Variants in ADK observed in about 807,000 individuals in gnomAD.
ADK encodes adenosine kinase.
A neutral mutation model predicts 44.7 loss-of-function variants in ADK; 24 were observed. The ratio of observed to expected loss-of-function variants is 0.54; its 90% CI spans 0.39 to 0.76. The LOEUF (loss-of-function observed/expected upper bound fraction) is 0.76, where lower values mean the gene tolerates loss of function less well. Ranked by LOEUF, ADK falls within the 30% of genes least tolerant of loss-of-function variation. ADK has a pLI of 0.00. For synonymous variants in ADK, 128 were observed against 142.6 expected (o/e 0.90, Z 0.73); for missense variants, 321 against 425.1 (o/e 0.76, Z 2.15).
At chr10:74,610,912 A>G (rs1245933232) in intron 9 of ADK, among the ~76,000 whole-genome samples, 5 of 152,164 alleles carry the variant, frequency 3.3e-5, no homozygotes, top group African/African-American at 1.2e-4. Flanking sequence ...AACTTCCCCA[A>G]GTTTCTATAC....
At chr10:74,172,904 CA>C (rs201918365) in intron 1 of ADK, among the ~76,000 whole-genome samples, 72,222 of 109,490 alleles carry the variant, frequency 0.66, 20,151 homozygotes, top group Middle Eastern at 0.77. Context: ...GACTCCATGT[CA>C]AAAAAAAAAA....
intron 8 of ADK, among the ~76,000 whole-genome samples, chr10:74,597,764 G>T (rs575288224): frequency 6.6e-6 from 1 of 152,220 alleles, no homozygotes; most frequent in South Asian, 2.1e-4. Context: ...TTTAGGTGGT[G>T]TTTGCTAGTT....
At chr10:74,531,596 C>G (rs962920114) in intron 7 of ADK, among the ~76,000 whole-genome samples, 1 of 152,154 alleles carries the variant, frequency 6.6e-6, no homozygotes, top group Non-Finnish European at 1.5e-5. Context: ...TACAATGGCA[C>G]AATCATGTCT....
At chr10:74,419,945 T>C (rs1844501271) in intron 6 of ADK, among the ~76,000 whole-genome samples, 1 of 152,186 alleles carries the variant, frequency 6.6e-6, no homozygotes, top group East Asian at 1.9e-4. Flanking sequence ...TCTACTTCTA[T>C]CCCCAAATTA....
In ADK at chr10:74,458,148, G is replaced by T. The variant is rs1377223455; in HGVS notation, c.555+59569G>T. Among the ~76,000 whole-genome samples, 944 of 121,868 alleles carry T rather than the reference G, an allele frequency of 7.7e-3. 8 individuals are homozygous for T. The highest frequency in any genetic ancestry group is 0.03 in the African/African-American group (845 of 28,436). The allele number at this position is 121,868 out of a possible 152,430, so 80.0% of individuals were successfully genotyped here. A position where few individuals can be genotyped will look rare whatever the true frequency, so the allele number is the denominator to read the frequency against. On this transcript the variant is annotated intron_variant, in intron 6 of 10. Coordinates refer to ENST00000539909, the MANE Select transcript of ADK (RefSeq NM_006721.4). ...TTTTTTTTTTTTTTTTTTTTTTTTG[G>T]GGGGAGAAGGTCTCACTCTGTTGCC...
intron 3 of ADK, among the ~76,000 whole-genome samples, chr10:74,292,804 T>G (rs976183745): frequency 5.3e-5 from 8 of 152,268 alleles, no homozygotes; most frequent in African/African-American, 1.9e-4. Context: ...CACCTCTCTT[T>G]TGTGCCACCA....
At chr10:74,594,402 A>G (rs748316665) in intron 8 of ADK, among the ~76,000 whole-genome samples, 2 of 95,594 alleles carry the variant, frequency 2.1e-5, no homozygotes, top group Admixed American at 2.4e-4. Flanking sequence ...CAGAAGAAAT[A>G]AAAAAAAAAT....
chr10:74,546,212 A>G (rs1287438384), intron 7 of ADK, among the ~76,000 whole-genome samples: 1 of 152,226 alleles, frequency 6.6e-6, no homozygotes, highest in Non-Finnish European at 1.5e-5. Context: ...TGGCTGCAAA[A>G]TGGGTGAAAG....
chr10:74,466,920 A>T (rs1846377680), intron 6 of ADK, among the ~76,000 whole-genome samples: 1 of 152,140 alleles, frequency 6.6e-6, no homozygotes, highest in Non-Finnish European at 1.5e-5. Context: ...ACAAATCTAG[A>T]TAAATTTATG....
intron 7 of ADK, among the ~76,000 whole-genome samples, chr10:74,553,520 A>G (rs987886988): frequency 1.3e-5 from 2 of 152,038 alleles, no homozygotes; most frequent in African/African-American, 4.8e-5. Flanking sequence ...TTAACAGTAC[A>G]CTACTGGGCA....
intron 2 of ADK, among the ~76,000 whole-genome samples, chr10:74,212,627 T>C (rs573300170): frequency 6.6e-6 from 1 of 152,220 alleles, no homozygotes; most frequent in African/African-American, 2.4e-5. Flanking sequence ...TACTGGCTAC[T>C]GAGCTTGAAA....
chr10:74,474,163 T>C (rs1189522240), intron 6 of ADK, among the ~76,000 whole-genome samples: 1 of 152,174 alleles, frequency 6.6e-6, no homozygotes. Context: ...ATATCTCAGG[T>C]TGGAGTGCAG....
At chr10:74,546,232 C>G (rs1340735847) in intron 7 of ADK, among the ~76,000 whole-genome samples, 1 of 152,088 alleles carries the variant, frequency 6.6e-6, no homozygotes, top group Non-Finnish European at 1.5e-5. Flanking sequence ...GTAATATAAA[C>G]TTAACAAAGA....
chr10:74,601,959 T>C (rs1380865494), intron 9 of ADK, among the ~76,000 whole-genome samples: 1 of 146,236 alleles, frequency 6.8e-6, no homozygotes, highest in African/African-American at 2.6e-5. Context: ...AAAAATTAGC[T>C]GAGAGAGTAG....
At chr10:74,497,952 C>G (rs1399712003) in intron 6 of ADK, among the ~76,000 whole-genome samples, 1 of 151,980 alleles carries the variant, frequency 6.6e-6, no homozygotes, top group Admixed American at 6.6e-5. Context: ...TGCAATGGCC[C>G]GATCTCGGCT....
intron 9 of ADK, among the ~76,000 whole-genome samples, chr10:74,659,944 A>G (rs992012364): frequency 3.3e-5 from 5 of 152,190 alleles, no homozygotes; most frequent in Non-Finnish European, 5.9e-5. Flanking sequence ...GCATCCTTCA[A>G]TCCAATCAAG....
chr10:74,684,017 A>G (rs1279027356), intron 10 of ADK, among the ~76,000 whole-genome samples: 2 of 152,174 alleles, frequency 1.3e-5, no homozygotes, highest in Non-Finnish European at 2.9e-5. Context: ...CAGAGTATTG[A>G]TTTTACTTGG....
At chr10:74,255,543 A>G (rs1845795766) in intron 3 of ADK, among the ~76,000 whole-genome samples, 1 of 152,232 alleles carries the variant, frequency 6.6e-6, no homozygotes, top group Non-Finnish European at 1.5e-5. Flanking sequence ...TCCAATATGT[A>G]TAATGATGAC....
intron 10 of ADK, among the ~76,000 whole-genome samples, chr10:74,690,786 C>T (rs1221826373): frequency 6.6e-6 from 1 of 152,154 alleles, no homozygotes; most frequent in Non-Finnish European, 1.5e-5. Context: ...GCTATAAAAC[C>T]CTCAAGGACA....
Sources: allele counts gnomAD v4.1 joint callset (sites outside exome capture counted in the v4.1 genomes callset), GRCh38; gene constraint gnomAD v4.1.1; transcripts MANE v1.5; gene names NCBI Gene and HGNC (gene_info 2026-07-23, HGNC 2026-07-21).